Variants in DOP1B observed in about 807,000 individuals in gnomAD.
DOP1B encodes the protein DOP1 leucine zipper like protein B, also known as protein DOP1B.
Under a neutral mutation model 233.5 loss-of-function variants are expected in DOP1B, and 174 were observed. That is an observed-to-expected ratio of 0.75 (90% CI 0.66 to 0.85). DOP1B has a LOEUF of 0.85. Ranked by LOEUF, DOP1B falls within the 40% of genes least tolerant of loss-of-function variation. DOP1B has a pLI of 0.00. For synonymous variants in DOP1B, 1,190 were observed against 1,185.6 expected (o/e 1.00, Z -0.08); for missense variants, 2,652 against 2,846.6 (o/e 0.93, Z 1.56).
intron 1 of DOP1B, among the ~76,000 whole-genome samples, chr21:36,163,455 T>G (rs2065885442): frequency 6.6e-6 from 1 of 152,140 alleles, no homozygotes; most frequent in African/African-American, 2.4e-5. Context: ...TTTATAACTG[T>G]ACTGGCCTGT....
intron 32 of DOP1B, among the ~76,000 whole-genome samples, chr21:36,282,666 T>C (rs1235592244): frequency 2.6e-5 from 4 of 151,876 alleles, no homozygotes; most frequent in Admixed American, 2.0e-4. Flanking sequence ...CACTACATTC[T>C]TTGACTGCAT....
At position 36,245,105 on chromosome 21, in the gene DOP1B, T is replaced by C. The variant is rs2066940040; in HGVS notation, c.3125T>C (p.Val1042Ala). Residue 1042 changes from valine (V) to alanine (A), a missense_variant, in exon 19 of 37, where the codon GTG becomes GCG. By Grantham distance (64) the Val-to-Ala change is moderately conservative (BLOSUM62 0). This residue lies in a region of DOP1B where 2,617 missense variants were observed against 2,794.3 expected (regional missense o/e 0.94). Coordinates refer to ENST00000691173, the MANE Select transcript of DOP1B (RefSeq NM_001320714.2). The surrounding 1 kb of genome is among the most constrained non-coding windows in gnomAD (Gnocchi z 5.5). ...KKTSFREACAVPEPQESGSEE... is the reference protein window; with the variant it reads ...KKTSFREACAAPEPQESGSEE... ...ACCTCTTTCAGAGAGGCATGCGCAG[T>C]GCCCGAGCCTCAGGAGAGCGGCTCT... The C allele has an allele frequency of 6.2e-7, 1 of 1,612,606 alleles. No individual in the cohort carries two copies. The highest frequency in any genetic ancestry group is 8.5e-7 in the Non-Finnish European group (1 of 1,178,888).
intron 13 of DOP1B, among the ~76,000 whole-genome samples, chr21:36,228,532 C>T (rs146330935): frequency 0.049 from 7,428 of 151,828 alleles, 361 homozygotes; most frequent in African/African-American, 0.13. Context: ...TTTGGGAGGC[C>T]GAGGCGGGCA....
intron 24 of DOP1B, among the ~76,000 whole-genome samples, chr21:36,262,340 G>A (rs1293918598): frequency 6.6e-6 from 1 of 152,194 alleles, no homozygotes; most frequent in African/African-American, 2.4e-5. Context: ...AACCGCCTAG[G>A]TCACACAATA....
intron 2 of DOP1B, among the ~76,000 whole-genome samples, chr21:36,195,340 CAA>C (rs60003046): frequency 0.011 from 911 of 84,088 alleles, 4 homozygotes; most frequent in African/African-American, 0.03. Flanking sequence ...GACTCTGGCT[CAA>C]AAAAAAAAAA....
In DOP1B at chr21:36,273,308, G is replaced by A. The variant is rs754070551; in HGVS notation, c.5632+3151G>A. Among the ~76,000 whole-genome samples, 3 of 151,192 alleles carry A rather than the reference G, an allele frequency of 2.0e-5. No individual in the cohort carries two copies. In the South Asian group the frequency reaches 6.2e-4, roughly 31 times the overall value. ...TGTAATCCCAGCTACCCGGGAGGCTGAGGCAGGAGAATCACTGGAACCTGG... is the reference window on the plus strand; with the variant it reads ...TGTAATCCCAGCTACCCGGGAGGCTAAGGCAGGAGAATCACTGGAACCTGG... On this transcript the variant is annotated intron_variant, in intron 27 of 36. Coordinates refer to ENST00000691173, the MANE Select transcript of DOP1B (RefSeq NM_001320714.2).
intron 15 of DOP1B, among the ~76,000 whole-genome samples, chr21:36,237,019 A>G (rs996626086): frequency 6.6e-6 from 1 of 152,070 alleles, no homozygotes; most frequent in Non-Finnish European, 1.5e-5. Flanking sequence ...TCCTGACCTC[A>G]GGTGATCTGC....
At chr21:36,254,044 A>G in intron 23 of DOP1B, 135 bp downstream of exon 23, 1 of 1,181,622 alleles carries the variant, frequency 8.5e-7, no homozygotes, top group Non-Finnish European at 1.2e-6. Flanking sequence ...GGGGTAGTGA[A>G]GTGGAGGTGC....
intron 2 of DOP1B, among the ~76,000 whole-genome samples, chr21:36,193,730 A>C (rs1320175032): frequency 6.6e-6 from 1 of 152,154 alleles, no homozygotes; most frequent in Non-Finnish European, 1.5e-5. Flanking sequence ...AAGTCTCGTA[A>C]GGTGGAATTG....
chr21:36,211,375 C>T (rs1007481324), intron 5 of DOP1B, among the ~76,000 whole-genome samples, 178 bp from the exon 6 acceptor site: 7 of 152,162 alleles, frequency 4.6e-5, no homozygotes, highest in Non-Finnish European at 7.4e-5. Context: ...ACGTCTTCTC[C>T]GATGTCACGC....
At chr21:36,248,648 T>C (rs2066997510) in intron 21 of DOP1B, 80 bp downstream of exon 21, 11 of 1,398,696 alleles carry the variant, frequency 7.9e-6, no homozygotes, top group Non-Finnish European at 8.6e-6. Context: ...TAGGAAAGTG[T>C]GCATGATAAA....
At chr21:36,287,939 T>C in intron 32 of DOP1B, 75 bp from the exon 33 acceptor site, 1 of 1,532,354 alleles carries the variant, frequency 6.5e-7, no homozygotes, top group Non-Finnish European at 8.8e-7. Context: ...ACAGTCACAG[T>C]TTTATTTTTC....
chr21:36,157,490 C>T (rs996170323), intron 1 of DOP1B, among the ~76,000 whole-genome samples: 1 of 152,252 alleles, frequency 6.6e-6, no homozygotes, highest in Non-Finnish European at 1.5e-5. Context: ...CTGGCCCCTG[C>T]GCCCTGCAGG....
intron 27 of DOP1B, among the ~76,000 whole-genome samples, chr21:36,273,021 C>G (rs946353353): frequency 7.3e-6 from 1 of 136,526 alleles, no homozygotes; most frequent in Non-Finnish European, 1.6e-5. Flanking sequence ...CCCATCTCTA[C>G]AAAAGGGGAG....
intron 4 of DOP1B, among the ~76,000 whole-genome samples, chr21:36,206,853 T>G (rs573159732): frequency 6.6e-6 from 1 of 152,340 alleles, no homozygotes; most frequent in South Asian, 2.1e-4. Context: ...GCCTACTTCT[T>G]CTATACACTT....
chr21:36,169,289 G>T, intron 2 of DOP1B: 2 of 802,528 alleles, frequency 2.5e-6, no homozygotes. Context: ...GTTCTTGATC[G>T]GTTTGCTGTC....
intron 1 of DOP1B, among the ~76,000 whole-genome samples, chr21:36,160,869 G>C (rs1475300253): frequency 1.3e-5 from 2 of 152,230 alleles, no homozygotes; most frequent in African/African-American, 4.8e-5. Context: ...AAAGGCACTG[G>C]AAAGGGGCAA....
At chr21:36,178,052 G>T (rs1252300874) in intron 2 of DOP1B, among the ~76,000 whole-genome samples, 1 of 152,152 alleles carries the variant, frequency 6.6e-6, no homozygotes, top group African/African-American at 2.4e-5. Flanking sequence ...GGACTGAATT[G>T]TGTTTCTCCT....
intron 10 of DOP1B, among the ~76,000 whole-genome samples, chr21:36,220,812 G>C (rs927365676): frequency 6.6e-6 from 1 of 151,600 alleles, no homozygotes; most frequent in African/African-American, 2.4e-5. Flanking sequence ...GTACTCTCTG[G>C]AGTGTCACTC....
Sources: gnomAD v4.1 joint callset for allele counts (sites outside exome capture counted in the v4.1 genomes callset) on GRCh38, gnomAD v4.1.1 for gene constraint, gnomAD v4.1.1 regional missense constraint, Gnocchi (gnomAD v3.1) non-coding constraint, MANE v1.5 for transcripts, NCBI Gene and HGNC (gene_info 2026-07-23, HGNC 2026-07-21) for gene names.